ATXN7L1: variants seen among roughly 807,000 people sequenced by gnomAD.
The protein encoded by ATXN7L1 is ataxin 7 like 1, also known as ataxin-7-like protein 1.
A neutral mutation model predicts 70.8 loss-of-function variants in ATXN7L1; 15 were observed. That is an observed-to-expected ratio of 0.21 (90% CI 0.14 to 0.33). The LOEUF is 0.33. Among genes scored for constraint, ATXN7L1 ranks in the 10% least tolerant of loss-of-function variants. ATXN7L1 has a pLI of 1.00. For missense variants in ATXN7L1, 975 were observed against 1,097.1 expected (o/e 0.89, Z 1.57); for synonymous variants, 440 against 445.1 (o/e 0.99, Z 0.14).
intron 2 of ATXN7L1, among the ~76,000 whole-genome samples, chr7:105,790,340 A>G (rs1299595812): frequency 2.0e-5 from 3 of 152,124 alleles, no homozygotes; most frequent in Non-Finnish European, 4.4e-5. Context: ...GGTGGCTTAC[A>G]CCTGTAATCC....
intron 2 of ATXN7L1, among the ~76,000 whole-genome samples, chr7:105,838,552 A>C (rs2116604596): frequency 6.6e-6 from 1 of 152,306 alleles, no homozygotes; most frequent in East Asian, 1.9e-4. Context: ...GAAATCGGTT[A>C]GATTCTGTGA....
At chr7:105,624,037 G>A in intron 8 of ATXN7L1, 38 bp downstream of exon 8, 3 of 1,366,678 alleles carry the variant, frequency 2.2e-6, no homozygotes, top group Non-Finnish European at 2.9e-6. Flanking sequence ...GCAAAGCACA[G>A]GCGAAGAACG....
At chr7:105,825,510 T>C (rs1810743243) in intron 2 of ATXN7L1, among the ~76,000 whole-genome samples, 1 of 150,940 alleles carries the variant, frequency 6.6e-6, no homozygotes, top group African/African-American at 2.4e-5. Flanking sequence ...AGAATGCAAG[T>C]AAAAACCATG....
chr7:105,614,472 G>A lies in ATXN7L1; in HGVS notation c.1862C>T (p.Thr621Ile). Residue 621 changes from threonine to isoleucine, a missense_variant, in exon 10 of 12, where the codon ACC becomes ATC. Coordinates refer to ENST00000419735, the MANE Select transcript of ATXN7L1 (RefSeq NM_020725.2). This position sits in a 1 kb window ranked among gnomAD's most constrained non-coding sequence, Gnocchi z 4.3. ...IPSPSHKPSKTKTSKSSKVKD... is the reference protein window; with the variant it reads ...IPSPSHKPSKIKTSKSSKVKD... The stretch of plus-strand genomic sequence containing the variant: ...GACTTTTGAGGATTTGCTGGTTTTG[G>A]TTTTGGATGGCTTGTGGGATGGGGA... 6.5e-7 allele frequency: 1 copy of A among 1,537,280 alleles called. No homozygotes were observed. Among genetic ancestry groups the A allele is most frequent in the Admixed American group, 2.0e-5 (1 of 49,596 alleles).
intron 2 of ATXN7L1, among the ~76,000 whole-genome samples, chr7:105,811,377 C>A (rs1290684779): frequency 6.6e-6 from 1 of 152,188 alleles, no homozygotes; most frequent in Non-Finnish European, 1.5e-5. Context: ...GAGCGCAGCC[C>A]TGCCAGCACC....
chr7:105,710,174 G>A (rs1019713602), intron 3 of ATXN7L1, among the ~76,000 whole-genome samples: 1 of 152,114 alleles, frequency 6.6e-6, no homozygotes, highest in Non-Finnish European at 1.5e-5. Context: ...AAAACAACCA[G>A]GGATGATATA....
intron 2 of ATXN7L1, among the ~76,000 whole-genome samples, chr7:105,870,395 T>G (rs1818081212): frequency 6.6e-6 from 1 of 152,136 alleles, no homozygotes; most frequent in African/African-American, 2.4e-5. Context: ...CTGCTACGTA[T>G]CTTTTCTTTT....
At chr7:105,765,272 T>G (rs1428893888) in intron 3 of ATXN7L1, among the ~76,000 whole-genome samples, 2 of 150,456 alleles carry the variant, frequency 1.3e-5, no homozygotes, top group African/African-American at 4.9e-5. Flanking sequence ...AGGTGGACGT[T>G]GCAGTGACCA....
intron 3 of ATXN7L1, among the ~76,000 whole-genome samples, chr7:105,675,966 G>T (rs796861127): frequency 6.6e-6 from 1 of 151,054 alleles, no homozygotes; most frequent in Non-Finnish European, 1.5e-5. Context: ...TTATTACAGT[G>T]ATGATACAAT....
chr7:105,870,077 C>T (rs1015620128), intron 2 of ATXN7L1, among the ~76,000 whole-genome samples: 2 of 151,990 alleles, frequency 1.3e-5, no homozygotes, highest in Non-Finnish European at 1.5e-5. Context: ...GTTAGGAGAT[C>T]GAGACCATAC....
At chr7:105,848,797 T>C (rs767224278) in intron 2 of ATXN7L1, among the ~76,000 whole-genome samples, 17 of 152,184 alleles carry the variant, frequency 1.1e-4, no homozygotes, top group Non-Finnish European at 2.5e-4. Context: ...TGCAGCTCCG[T>C]GCACCCAGCC....
At chr7:105,720,449 T>C (rs562360696) in intron 3 of ATXN7L1, among the ~76,000 whole-genome samples, 56 of 152,258 alleles carry the variant, frequency 3.7e-4, no homozygotes, top group African/African-American at 1.3e-3. Flanking sequence ...GACAGGGTCT[T>C]GCTCTGTTGC....
At chr7:105,664,255 T>C (rs2116060503) in intron 4 of ATXN7L1, among the ~76,000 whole-genome samples, 1 of 152,118 alleles carries the variant, frequency 6.6e-6, no homozygotes, top group East Asian at 1.9e-4. Context: ...AGGCACACTG[T>C]CAGTGCTTTT....
rs147247681 is a variant in ATXN7L1 at position 105,644,400 on chromosome 7, G to A, written c.579-1279C>T. Among the ~76,000 whole-genome samples, 386 of 152,280 alleles carry A rather than the reference G, an allele frequency of 2.5e-3. 2 individuals carry two copies. The highest frequency in any genetic ancestry group is 8.9e-3 in the African/African-American group (369 of 41,544). ...GAACAGATTGTGGCTGGACATTACC[G>A]ACTTCTCCCTTGGACCACGTAGCTT... On this transcript the variant is annotated intron_variant, in intron 4 of 11. Transcript: ENST00000419735.
At chr7:105,860,646 A>T (rs140172697) in intron 2 of ATXN7L1, among the ~76,000 whole-genome samples, 282 of 152,368 alleles carry the variant, frequency 1.9e-3, no homozygotes, top group Admixed American at 4.6e-3. Context: ...GAAAAGAGTT[A>T]TGAAGATTGG....
Position 105,791,489 on chromosome 7 carries a change from C to T in ATXN7L1, c.251-2781G>A, listed in dbSNP as rs1049074162. On this transcript the variant is annotated intron_variant, in intron 2 of 11. Transcript: ENST00000419735. ...GACCCTCAGTTCAGAGCCTTAGAGCCGCGGAGATGACCCTTCTTGGGCCTT... is the reference window on the plus strand; with the variant it reads ...GACCCTCAGTTCAGAGCCTTAGAGCTGCGGAGATGACCCTTCTTGGGCCTT... Among the ~76,000 whole-genome samples the T allele has an allele frequency of 2.6e-5, 4 of 152,174 alleles. No homozygotes were observed. The East Asian group carries it at 5.8e-4, about 22-fold the overall frequency.
intron 3 of ATXN7L1, among the ~76,000 whole-genome samples, chr7:105,774,561 C>T (rs888517258): frequency 2.6e-5 from 4 of 152,048 alleles, no homozygotes; most frequent in Admixed American, 6.6e-5. Context: ...CCATGTTGGC[C>T]AGGCTGGTCT....
chr7:105,634,246 G>T (rs548566522), intron 7 of ATXN7L1, among the ~76,000 whole-genome samples: 3 of 152,162 alleles, frequency 2.0e-5, no homozygotes, highest in Non-Finnish European at 4.4e-5. Flanking sequence ...CTGTCTGCCC[G>T]CCAGTCTGGT....
intron 4 of ATXN7L1, among the ~76,000 whole-genome samples, chr7:105,651,506 G>C (rs1157770079): frequency 6.6e-6 from 1 of 152,186 alleles, no homozygotes; most frequent in Non-Finnish European, 1.5e-5. Context: ...GTGGAAGGAG[G>C]GGTGGACAGG....
Sources: gnomAD v4.1 joint callset for allele counts (sites outside exome capture counted in the v4.1 genomes callset) on GRCh38, gnomAD v4.1.1 for gene constraint, Gnocchi (gnomAD v3.1) non-coding constraint, MANE v1.5 for transcripts, NCBI Gene and HGNC (gene_info 2026-07-23, HGNC 2026-07-21) for gene names.